DNAJC21: variants seen among roughly 807,000 people sequenced by gnomAD.
DNAJC21 encodes DnaJ heat shock protein family (Hsp40) member C21, also known as dnaJ homolog subfamily C member 21.
Under a neutral mutation model 72.4 loss-of-function variants are expected in DNAJC21, and 63 were observed. The observed-to-expected ratio is 0.87, with a 90% CI of 0.71 to 1.07. The LOEUF (loss-of-function observed/expected upper bound fraction) is 1.07. Among genes scored for constraint, DNAJC21 ranks in the 50% least tolerant of loss-of-function variants. The probability of loss-of-function intolerance (pLI) is 0.00; values close to 1 mark genes in which losing one functional copy is unlikely to be tolerated. For missense variants in DNAJC21, 634 were observed against 644.8 expected (o/e 0.98, Z 0.18); for synonymous variants, 203 against 216.7 (o/e 0.94, Z 0.56).
In DNAJC21 at chr5:34,950,267, A is replaced by T. The variant is rs2112094075; in HGVS notation, c.1283A>T (p.Glu428Val). Reference sequence around the variant, plus strand: ...AATCAAGACAGTGCCAAAGAATTGGAAGATAGTCCCCAGGAAAATGTCAGT... The same window carrying T: ...AATCAAGACAGTGCCAAAGAATTGGTAGATAGTCCCCAGGAAAATGTCAGT... Reference protein sequence around the residue: ...NLNQDSAKELEDSPQENVSVT... With the variant: ...NLNQDSAKELVDSPQENVSVT... The change falls in exon 10 of 12, where the codon GAA (glutamate) becomes GTA (valine). Residue 428 changes from glutamate (E) to valine (V), a missense_variant. Coordinates refer to ENST00000648817, the MANE Select transcript of DNAJC21 (RefSeq NM_001012339.3). The T allele has an allele frequency of 6.2e-7, 1 of 1,613,964 alleles. No homozygotes were observed.
In DNAJC21 at chr5:34,933,891, C is replaced by T. The variant is rs1193849948; in HGVS notation, c.174C>T (p.Asp58=). 5.0e-6 allele frequency: 8 copies of T among 1,613,636 alleles called. No homozygotes were observed. Among genetic ancestry groups the T allele is most frequent in the Middle Eastern group, 1.6e-4 (1 of 6,084 alleles). Residue 58 remains aspartate, a synonymous_variant, in exon 2 of 12, where the codon GAC becomes GAT. Coordinates refer to ENST00000648817, the MANE Select transcript of DNAJC21 (RefSeq NM_001012339.3). ...AAGCAGCATATGATGTGTTGAGTGACCCTCAGGAAAGAGCATGGTGAGCAT... is the reference window on the plus strand; with the variant it reads ...AAGCAGCATATGATGTGTTGAGTGATCCTCAGGAAAGAGCATGGTGAGCAT... The part of the protein sequence containing the change: ...LIQAAYDVLS[D]PQERAWYDNH...
rs1764815453 is a variant in DNAJC21, at chr5:34,937,383, T to C, written c.496T>C (p.Trp166Arg). The C allele has an allele frequency of 1.2e-6, 2 of 1,613,730 alleles. No homozygotes were observed. The highest frequency in any genetic ancestry group is 1.7e-6 in the Non-Finnish European group (2 of 1,179,950). ...TTTCTGCACTCAAAAGAATTTTGCA[T>C]GGAAGGAAGAATATGATACACGACA... The part of the protein sequence containing the change: ...QSFCTQKNFA[W>R]KEEYDTRQAS... Residue 166 changes from tryptophan to arginine, a missense_variant, in exon 5 of 12, where the codon TGG becomes CGG. Trp to Arg is a moderately radical substitution (Grantham distance 101, BLOSUM62 -3). Coordinates refer to ENST00000648817, the MANE Select transcript of DNAJC21 (RefSeq NM_001012339.3).
chr5:34,936,173 T>G lies in DNAJC21; in HGVS notation c.345T>G (p.Phe115Leu). 2 of 1,614,074 alleles carry G rather than the reference T, an allele frequency of 1.2e-6. No homozygotes were observed. Among genetic ancestry groups the G allele is most frequent in the Non-Finnish European group, 1.7e-6 (2 of 1,180,002 alleles). Residue 115 changes from phenylalanine (F) to leucine (L), a missense_variant, in exon 4 of 12, where the codon TTT becomes TTG. Coordinates refer to ENST00000648817, the MANE Select transcript of DNAJC21 (RefSeq NM_001012339.3). ...TTTACACGGTGTATCGTAATGTTTT[T>G]GAAATGATTGCCAAGGAAGAACTAG... ...KGFYTVYRNV[F>L]EMIAKEELES... is the part of the protein sequence containing the mutation.
chr5:34,942,458 C>T (rs1326608650), intron 7 of DNAJC21, among the ~76,000 whole-genome samples: 1 of 151,904 alleles, frequency 6.6e-6, no homozygotes, highest in African/African-American at 2.4e-5. Flanking sequence ...AATGGTATTA[C>T]CATATGACCT....
intron 8 of DNAJC21, 153 bp from the exon 9 acceptor site, chr5:34,945,608 C>T: frequency 1.6e-6 from 1 of 619,226 alleles, no homozygotes; most frequent in Non-Finnish European, 2.6e-6. Context: ...AATGTGAATA[C>T]TTTATTTTCC....
intron 1 of DNAJC21, chr5:34,930,448 G>GT (rs140840502): frequency 0.049 from 7,380 of 149,432 alleles, 581 homozygotes; most frequent in African/African-American, 0.17. Flanking sequence ...TTTTTTCGCT[G>GT]TTTTTTTTTT....
rs1272920831 is a variant in DNAJC21, at chr5:34,958,026, C to G, written c.*3312C>G. On this transcript the variant is annotated 3_prime_UTR_variant, in exon 12 of 12. Coordinates refer to ENST00000648817, the MANE Select transcript of DNAJC21 (RefSeq NM_001012339.3). Reference sequence around the variant, plus strand: ...ATTTCTTGTTCTATGGAAGAGGAAGCTGAGCTCAGGGAGATATGAGCTCCA... The same window carrying G: ...ATTTCTTGTTCTATGGAAGAGGAAGGTGAGCTCAGGGAGATATGAGCTCCA... The G allele has an allele frequency of 6.6e-6, 1 of 152,182 alleles. No individual in the cohort carries two copies. The highest frequency in any genetic ancestry group is 1.5e-5 in the Non-Finnish European group (1 of 68,040). The allele number at this position is 152,182 out of a possible 1,614,324, so 9.4% of individuals were successfully genotyped here. A position where few individuals can be genotyped will look rare whatever the true frequency, so the allele number is the denominator to read the frequency against.
chr5:34,945,922 G>A (rs1233881063), intron 9 of DNAJC21, 119 bp downstream of exon 9: 36 of 670,858 alleles, frequency 5.4e-5, no homozygotes, highest in South Asian at 1.6e-4. Flanking sequence ...TATGTTGATT[G>A]TAAGATTGAT....
At chr5:34,941,882 G>T (rs1040815769) in intron 7 of DNAJC21, among the ~76,000 whole-genome samples, 1 of 150,648 alleles carries the variant, frequency 6.6e-6, no homozygotes, top group Middle Eastern at 3.2e-3. Flanking sequence ...GTTTTTTTTT[G>T]AGGTGAAGTG....
chr5:34,954,480 T>G, intron 11 of DNAJC21, 73 bp from the exon 12 acceptor site: 10 of 1,469,878 alleles, frequency 6.8e-6, no homozygotes, highest in Non-Finnish European at 9.1e-6. Flanking sequence ...TGCTTAATCT[T>G]GATATTAAAA....
In DNAJC21 at chr5:34,935,720, CAT is replaced by C; in HGVS notation, c.204_205del (p.His68GlnfsTer6). 6.2e-7 allele frequency: 1 copy of C among 1,613,886 alleles called. No homozygotes were observed. The highest frequency in any genetic ancestry group is 8.5e-7 in the Non-Finnish European group (1 of 1,179,918). On this transcript the variant is annotated frameshift_variant, in exon 3 of 12. Coordinates refer to ENST00000648817, the MANE Select transcript of DNAJC21 (RefSeq NM_001012339.3). LOFTEE classifies it high-confidence loss of function. ...DPQERAWYDN[H>X]REALLKGGFD... The stretch of plus-strand genomic sequence containing the variant: ...ATTTTTGTTTTTCAGGTATGATAAT[CAT>C]AGAGAGGCCCTACTTAAAGGTGGGT...
chr5:34,935,731 C>CT lies in DNAJC21; in HGVS notation c.213_214insT (p.Leu72SerfsTer3). 6.2e-7 allele frequency: 1 copy of CT among 1,613,706 alleles called. No individual in the cohort carries two copies. On this transcript the variant is annotated frameshift_variant, in exon 3 of 12. Transcript: ENST00000648817. LOFTEE classifies it high-confidence loss of function. Reference sequence around the variant, plus strand: ...TCAGGTATGATAATCATAGAGAGGCCCTACTTAAAGGTGGGTTTGATGGCG... The same window carrying CT: ...TCAGGTATGATAATCATAGAGAGGCCTCTACTTAAAGGTGGGTTTGATGGCG...
rs115609004 is a variant in DNAJC21 at position 34,937,766 on chromosome 5, G to A, written c.743+136G>A. On this transcript the variant is annotated intron_variant, in intron 5 of 11. Coordinates refer to ENST00000648817, the MANE Select transcript of DNAJC21 (RefSeq NM_001012339.3). The stretch of plus-strand genomic sequence containing the variant: ...GCTTTTTCTTCTTTTTTAAATTGTG[G>A]CATTGGATAGTGTTTTTTCATCTAC... 1,340 of 1,056,732 alleles carry A rather than the reference G, an allele frequency of 1.3e-3. 12 individuals are homozygous for A. The African/African-American group carries it at 0.02, about 15-fold the overall frequency. 65.5% of individuals were successfully genotyped at this position (1,056,732 alleles called of 1,614,324 possible).
chr5:34,932,432 A>C (rs927374901), intron 1 of DNAJC21, among the ~76,000 whole-genome samples: 6 of 152,116 alleles, frequency 3.9e-5, no homozygotes, highest in African/African-American at 1.2e-4. Flanking sequence ...AAAAAAAAAA[A>C]AAAACGAACT....
intron 2 of DNAJC21, among the ~76,000 whole-genome samples, 164 bp from the exon 3 acceptor site, chr5:34,935,546 A>C (rs889516408): frequency 1.3e-5 from 2 of 152,220 alleles, no homozygotes; most frequent in Non-Finnish European, 2.9e-5. Flanking sequence ...TCTGTGAAAG[A>C]TTATGAACTC....
chr5:34,936,097 T>A (rs373259242), intron 3 of DNAJC21, 47 bp from the exon 4 acceptor site: 3 of 1,568,394 alleles, frequency 1.9e-6, no homozygotes, highest in Non-Finnish European at 2.6e-6. Context: ...TTTTCTGTGA[T>A]CAGGCTGCAA....
In DNAJC21 at chr5:34,935,691, G is replaced by A. The variant is rs189754209; in HGVS notation, c.192-19G>A. On this transcript the variant is annotated intron_variant, in intron 2 of 11. Transcript: ENST00000648817. ...TTACTTATTCAGCCTTCACAATGAT[G>A]CTAATTTTTGTTTTTCAGGTATGAT... The A allele has an allele frequency of 5.0e-5, 81 of 1,613,560 alleles. No homozygotes were observed. The African/African-American group carries it at 9.5e-4, about 19-fold the overall frequency.
chr5:34,954,034 A>G, intron 11 of DNAJC21, 33 bp downstream of exon 11: 2 of 1,568,516 alleles, frequency 1.3e-6, no homozygotes, highest in African/African-American at 2.7e-5. Context: ...TCTCTTTAGC[A>G]TATCTTGCTG....
chr5:34,948,440 G>GAT (rs763095354), intron 9 of DNAJC21, among the ~76,000 whole-genome samples: 29 of 152,202 alleles, frequency 1.9e-4, no homozygotes, highest in Non-Finnish European at 3.8e-4. Context: ...GGATACGTTA[G>GAT]AAGTACTCAA....
Sources: gnomAD v4.1 joint callset for allele counts (sites outside exome capture counted in the v4.1 genomes callset) on GRCh38, gnomAD v4.1.1 for gene constraint, MANE v1.5 for transcripts, NCBI Gene and HGNC (gene_info 2026-07-23, HGNC 2026-07-21) for gene names.